MYOM2: variants seen among roughly 807,000 people sequenced by gnomAD.
MYOM2 encodes myomesin-2.
Under a neutral mutation model 187.6 loss-of-function variants are expected in MYOM2, and 254 were observed. The observed-to-expected ratio is 1.35, with a 90% CI of 1.22 to 1.50. MYOM2 has a LOEUF of 1.50. MYOM2 is among the 40% of genes most tolerant of loss of function. The pLI, the probability that MYOM2 is intolerant of heterozygous loss-of-function variation, is 0.00. For missense variants in MYOM2, 2,796 were observed against 1,924.0 expected, an observed-to-expected ratio of 1.45 and a Z score of -8.48; for synonymous variants, 981 against 753.8, an observed-to-expected ratio of 1.30 and a Z score of -4.94.
At chr8:2,133,613 A>G (rs1797952492) in intron 32 of MYOM2, among the ~76,000 whole-genome samples, 1 of 152,226 alleles carries the variant, frequency 6.6e-6, no homozygotes, top group East Asian at 1.9e-4. Context: ...GGCATGCGCC[A>G]CCATGCCTGG....
At chr8:2,125,098 C>G (rs1286326236) in intron 31 of MYOM2, among the ~76,000 whole-genome samples, 1 of 152,134 alleles carries the variant, frequency 6.6e-6, no homozygotes, top group Non-Finnish European at 1.5e-5. Context: ...TTGTGCAGTA[C>G]CATTTATTTA....
chr8:2,132,017 A>G (rs949027944), intron 32 of MYOM2, among the ~76,000 whole-genome samples: 1 of 152,194 alleles, frequency 6.6e-6, no homozygotes. Context: ...ATTAAACAAC[A>G]TGAAACTATA....
At chr8:2,051,633 G>A (rs1203486991) in intron 2 of MYOM2, among the ~76,000 whole-genome samples, 1 of 152,202 alleles carries the variant, frequency 6.6e-6, no homozygotes, top group Non-Finnish European at 1.5e-5. Context: ...GCAGCCTTGG[G>A]GTGTCTCAAA....
At position 2,062,844 on chromosome 8, in the gene MYOM2, A is replaced by T. The variant is rs1818895316; in HGVS notation, c.653+3599A>T. On this transcript the variant is annotated intron_variant, in intron 6 of 36. Coordinates refer to ENST00000262113, the MANE Select transcript of MYOM2 (RefSeq NM_003970.4). ...GTTCTGATAATTGTTTTAAAAAGAAAAGAATGATATACCTTTCTCAAGAAT... is the reference window on the plus strand; with the variant it reads ...GTTCTGATAATTGTTTTAAAAAGAATAGAATGATATACCTTTCTCAAGAAT... Among the ~76,000 whole-genome samples, 4 of 152,200 alleles carry T rather than the reference A, an allele frequency of 2.6e-5. No homozygotes were observed. In the South Asian group the frequency reaches 8.3e-4, roughly 32 times the overall value.
chr8:2,132,400 G>A (rs1043492938), intron 32 of MYOM2, among the ~76,000 whole-genome samples: 5 of 152,190 alleles, frequency 3.3e-5, no homozygotes, highest in Non-Finnish European at 7.3e-5. Context: ...CTTATTCAGC[G>A]TGAGTTAGAA....
intron 17 of MYOM2, 53 bp downstream of exon 17, chr8:2,094,144 C>G (rs1344434119): frequency 5.6e-6 from 9 of 1,593,550 alleles, no homozygotes; most frequent in Non-Finnish European, 7.7e-6. Context: ...ACTGTCATTT[C>G]TGCATGAATA....
At chr8:2,050,566 C>G (rs1474240779) in intron 1 of MYOM2, among the ~76,000 whole-genome samples, 189 bp from the exon 2 acceptor site, 1 of 152,190 alleles carries the variant, frequency 6.6e-6, no homozygotes, top group Non-Finnish European at 1.5e-5. Flanking sequence ...AGTTGGGTCC[C>G]TGGGAAGTTA....
chr8:2,079,986 C>G (rs1311123898), intron 13 of MYOM2, among the ~76,000 whole-genome samples: 3 of 152,166 alleles, frequency 2.0e-5, no homozygotes. Flanking sequence ...TTTCATTTTA[C>G]ATTTTCTAAG....
chr8:2,094,404 A>G (rs928594628), intron 17 of MYOM2, among the ~76,000 whole-genome samples: 2 of 152,220 alleles, frequency 1.3e-5, no homozygotes, highest in Non-Finnish European at 2.9e-5. Flanking sequence ...CTGTAATCGC[A>G]GCACTTTTGG....
intron 5 of MYOM2, 34 bp from the exon 6 acceptor site, chr8:2,059,119 G>A: frequency 1.3e-6 from 2 of 1,586,506 alleles, no homozygotes; most frequent in Non-Finnish European, 1.7e-6. Context: ...ATACAACTCT[G>A]CCTTTAAACT....
At chr8:2,127,989 G>A (rs1563075032) in intron 31 of MYOM2, 2 of 152,230 alleles carry the variant, frequency 1.3e-5, no homozygotes, top group African/African-American at 2.4e-5. Flanking sequence ...CATAGTCGGA[G>A]TCACAAATAC....
At chr8:2,077,597 G>C (rs941802443) in intron 11 of MYOM2, among the ~76,000 whole-genome samples, 4 of 152,094 alleles carry the variant, frequency 2.6e-5, no homozygotes, top group Non-Finnish European at 5.9e-5. Context: ...GGCTTACCTT[G>C]AATTAAGCAA....
intron 25 of MYOM2, 132 bp downstream of exon 25, chr8:2,109,663 G>C (rs959354863): frequency 2.0e-6 from 2 of 1,005,920 alleles, no homozygotes; most frequent in Non-Finnish European, 2.8e-6. Flanking sequence ...GGCATGGAAG[G>C]TTGACAAGAT....
At chr8:2,144,578 T>C in intron 36 of MYOM2, 86 bp from the exon 37 acceptor site, 1 of 1,322,216 alleles carries the variant, frequency 7.6e-7, no homozygotes, top group Non-Finnish European at 1.1e-6. Flanking sequence ...TGTAACTGAG[T>C]GTGACCTGGA....
chr8:2,086,813 G>A (rs975407163), intron 14 of MYOM2, among the ~76,000 whole-genome samples: 4 of 152,216 alleles, frequency 2.6e-5, no homozygotes, highest in African/African-American at 4.8e-5. Context: ...CTACATGCTG[G>A]GGATTCCAGA....
At chr8:2,136,009 G>A (rs1028045083) in intron 32 of MYOM2, among the ~76,000 whole-genome samples, 6 of 152,216 alleles carry the variant, frequency 3.9e-5, no homozygotes, top group African/African-American at 9.6e-5. Context: ...GGTTGCAGAC[G>A]CAGGGACAGC....
At position 2,076,131 on chromosome 8, in the gene MYOM2, C is replaced by T. The variant is rs1419849416; in HGVS notation, c.1121-10C>T. The T allele has an allele frequency of 6.2e-7, 1 of 1,609,380 alleles. No homozygotes were observed. Among genetic ancestry groups the T allele is most frequent in the East Asian group, 2.2e-5 (1 of 44,794 alleles). ...TGACAGGCGTGTGCCTTTTCTCTCC[C>T]TGCCCCAAGATGCTGACCCGCTGGT... is the stretch of plus-strand genomic sequence containing the variant. On this transcript the variant is annotated splice_polypyrimidine_tract_variant and intron_variant, in intron 10 of 36. Coordinates refer to ENST00000262113, the MANE Select transcript of MYOM2 (RefSeq NM_003970.4).
rs532376078 is a variant in MYOM2, at chr8:2,129,264, C to T, written c.3800+32C>T. 1.3e-5 allele frequency: 20 copies of T among 1,492,770 alleles called. No individual in the cohort carries two copies. The African/African-American group carries it at 1.9e-4, about 14-fold the overall frequency. 92.5% of individuals were successfully genotyped at this position (1,492,770 alleles called of 1,614,324 possible). On this transcript the variant is annotated intron_variant, in intron 32 of 36. Coordinates refer to ENST00000262113, the MANE Select transcript of MYOM2 (RefSeq NM_003970.4). ...ATGACAGCAGCCGATGGAGGCCATG[C>T]CATAGATGGGGCTGTCCAGGGCGCA...
At chr8:2,127,080 G>C (rs1797674079) in intron 31 of MYOM2, among the ~76,000 whole-genome samples, 1 of 151,926 alleles carries the variant, frequency 6.6e-6, no homozygotes, top group Admixed American at 6.6e-5. Context: ...CCCGTGTTCT[G>C]CCTGGTTAGG....
Sources: gnomAD v4.1 joint callset for allele counts (sites outside exome capture counted in the v4.1 genomes callset) on GRCh38, gnomAD v4.1.1 for gene constraint, MANE v1.5 for transcripts, NCBI Gene and HGNC (gene_info 2026-07-23, HGNC 2026-07-21) for gene names.